The following CEP128 variants were observed in gnomAD, a reference collection of about 807,000 sequenced individuals.
CEP128 encodes the protein centrosomal protein 128kDa.
A neutral mutation model predicts 156.7 loss-of-function variants in CEP128; 132 were observed. The observed-to-expected ratio is 0.84, with a 90% confidence interval of 0.73 to 0.97. CEP128 has a LOEUF of 0.97. Among genes scored for constraint, CEP128 ranks in the 50% least tolerant of loss-of-function variants. The pLI is 0.00. For synonymous variants in CEP128, 469 were observed against 448.9 expected (o/e 1.04, Z -0.57); for missense variants, 1,252 against 1,281.9 (o/e 0.98, Z 0.36).
chr14:80,833,381 T>G (rs1240766730), intron 12 of CEP128, among the ~76,000 whole-genome samples: 1 of 151,678 alleles, frequency 6.6e-6, no homozygotes, highest in Non-Finnish European at 1.5e-5. Flanking sequence ...ATATATATAC[T>G]AGTAAAGATA....
downstream of CEP128, among the ~76,000 whole-genome samples, chr14:80,493,434 C>T (rs777841920): frequency 9.9e-5 from 15 of 152,128 alleles, no homozygotes; most frequent in Non-Finnish European, 1.9e-4. Context: ...AAACATCTTC[C>T]TGAAAGGAAG....
chr14:80,635,144 C>T lies in CEP128; in HGVS notation c.2807-54721G>A, dbSNP rs1251546371. Among the ~76,000 whole-genome samples, 91 of 152,200 alleles carry T rather than the reference C, an allele frequency of 6.0e-4. 1 individual carries two copies. The highest frequency in any genetic ancestry group is 1.0e-4 in the Non-Finnish European group (7 of 68,040). ...CCTATAATGCCTGCTTCTCAAGAGC[C>T]TTATAGAAATGTTTCTGGCTTTATC... On this transcript the variant is annotated intron_variant, in intron 19 of 24. Coordinates refer to ENST00000555265, the MANE Select transcript of CEP128 (RefSeq NM_152446.5).
chr14:80,676,342 G>A (rs926759172), intron 19 of CEP128, among the ~76,000 whole-genome samples: 3 of 151,596 alleles, frequency 2.0e-5, no homozygotes. Flanking sequence ...TTAAACTTAC[G>A]TTTCCTAATT....
rs969765917 is a variant in CEP128, at chr14:80,629,853, C to T, written c.2807-49430G>A. On this transcript the variant is annotated intron_variant, in intron 19 of 24. Transcript: ENST00000555265. ...CTAGGAATAACATGAGAACTAGGTG[C>T]CCTGGTAACAAAACATTTTGAATTG... 4.5e-4 allele frequency among the ~76,000 whole-genome samples: 68 copies of T among 151,822 alleles called. 1 individual carries two copies. The highest frequency in any genetic ancestry group is 1.3e-3 in the African/African-American group (54 of 41,462).
At chr14:80,836,456 G>T (rs915797867) in intron 11 of CEP128, 119 bp from the exon 12 acceptor site, 1 of 1,035,176 alleles carries the variant, frequency 9.7e-7, no homozygotes, top group Non-Finnish European at 1.4e-6. Flanking sequence ...ATAGTGGAAC[G>T]GTTTCCTGCT....
At chr14:80,678,049 A>AAATATATATAT in intron 19 of CEP128, among the ~76,000 whole-genome samples, 9 of 98,494 alleles carry the variant, frequency 9.1e-5, no homozygotes, top group African/African-American at 1.3e-4. Flanking sequence ...ATAAAAAAAA[A>AAATATATATAT]ATATATATAT....
chr14:80,884,080 A>G (rs965384269), intron 8 of CEP128, among the ~76,000 whole-genome samples: 2 of 152,190 alleles, frequency 1.3e-5, no homozygotes, highest in African/African-American at 2.4e-5. Flanking sequence ...CAAATCACAT[A>G]GATTAAAGAC....
At chr14:80,709,496 C>A (rs1035769377) in intron 19 of CEP128, among the ~76,000 whole-genome samples, 2 of 152,106 alleles carry the variant, frequency 1.3e-5, no homozygotes, top group African/African-American at 4.8e-5. Context: ...TCTTCTTTTT[C>A]AGCATTTTGC....
chr14:80,492,099 G>GA (rs1887344255), downstream of CEP128, among the ~76,000 whole-genome samples: 1 of 152,090 alleles, frequency 6.6e-6, no homozygotes. Context: ...AGAAAAGGGG[G>GA]AAAAAAGCTT....
chr14:80,796,530 C>G (rs1281006505), intron 13 of CEP128, among the ~76,000 whole-genome samples: 1 of 152,004 alleles, frequency 6.6e-6, no homozygotes, highest in East Asian at 1.9e-4. Flanking sequence ...CTTGCTCATT[C>G]TAACTCTCTG....
At chr14:80,622,770 T>C (rs372552610) in intron 19 of CEP128, among the ~76,000 whole-genome samples, 39 of 150,672 alleles carry the variant, frequency 2.6e-4, no homozygotes, top group African/African-American at 8.3e-4. Context: ...TACCATCTCA[T>C]ACCAGTTAGA....
chr14:80,948,079 G>A (rs1886384331), intron 2 of CEP128, among the ~76,000 whole-genome samples: 1 of 107,822 alleles, frequency 9.3e-6, no homozygotes, highest in Non-Finnish European at 1.8e-5. Flanking sequence ...TAAGTAAAAG[G>A]GAAATTCCCC....
chr14:80,574,440 T>C (rs1485590485), intron 20 of CEP128, among the ~76,000 whole-genome samples: 1 of 152,188 alleles, frequency 6.6e-6, no homozygotes, highest in Non-Finnish European at 1.5e-5. Context: ...GGTCGATCAA[T>C]AGCCCAGTTT....
intron 18 of CEP128, among the ~76,000 whole-genome samples, chr14:80,747,851 G>A (rs987974980): frequency 2.0e-5 from 3 of 152,094 alleles, no homozygotes; most frequent in Non-Finnish European, 4.4e-5. Flanking sequence ...AAGATTAGTG[G>A]CAGACTAGAA....
At chr14:80,865,580 C>T (rs1475704334) in intron 8 of CEP128, among the ~76,000 whole-genome samples, 1 of 152,162 alleles carries the variant, frequency 6.6e-6, no homozygotes, top group Non-Finnish European at 1.5e-5. Context: ...TAATCCTCTA[C>T]CCTTGAGTGT....
At chr14:80,699,634 A>C (rs1897004241) in intron 19 of CEP128, among the ~76,000 whole-genome samples, 1 of 128,442 alleles carries the variant, frequency 7.8e-6, no homozygotes, top group Non-Finnish European at 1.6e-5. Flanking sequence ...AGCATGCTAC[A>C]TCACTGATAA....
chr14:80,681,080 T>C (rs1896305229), intron 19 of CEP128, among the ~76,000 whole-genome samples: 2 of 152,082 alleles, frequency 1.3e-5, no homozygotes, highest in Admixed American at 1.3e-4. Context: ...TACTACCTTG[T>C]AGGTCAAACT....
intron 8 of CEP128, among the ~76,000 whole-genome samples, chr14:80,890,077 A>G (rs1420774910): frequency 6.6e-6 from 1 of 152,236 alleles, no homozygotes; most frequent in African/African-American, 2.4e-5. Flanking sequence ...CCACAGTGAG[A>G]TACCATCTCA....
intron 11 of CEP128, among the ~76,000 whole-genome samples, chr14:80,836,978 A>T (rs922497530): frequency 6.6e-6 from 1 of 152,248 alleles, no homozygotes; most frequent in African/African-American, 2.4e-5. Context: ...ACTGGAGATT[A>T]TAAGTTAGAG....
Sources: allele counts gnomAD v4.1 joint callset (sites outside exome capture counted in the v4.1 genomes callset), GRCh38; gene constraint gnomAD v4.1.1; transcripts MANE v1.5; gene names NCBI Gene and HGNC (gene_info 2026-07-23, HGNC 2026-07-21).